Variants in PAN3 observed in about 807,000 individuals in gnomAD.
The protein encoded by PAN3 is PAN2-PAN3 deadenylation complex subunit PAN3.
A neutral mutation model predicts 96.2 loss-of-function variants in PAN3; 19 were observed. That is an observed-to-expected ratio of 0.20 (90% CI 0.14 to 0.29). The LOEUF is 0.29. PAN3 is among the 10% of genes least tolerant of loss of function. The pLI is 1.00. For missense variants in PAN3, 882 were observed against 1,108.1 expected (o/e 0.80, Z 2.90); for synonymous variants, 433 against 406.6 (o/e 1.06, Z -0.78).
chr13:28,220,785 A>T (rs1485265136), intron 6 of PAN3, among the ~76,000 whole-genome samples: 3 of 152,190 alleles, frequency 2.0e-5, no homozygotes, highest in Admixed American at 2.0e-4. Flanking sequence ...AAAATAATTT[A>T]ATCATTCTAC....
At chr13:28,272,559 A>G (rs1218857221) in intron 14 of PAN3, among the ~76,000 whole-genome samples, 1 of 151,064 alleles carries the variant, frequency 6.6e-6, no homozygotes, top group East Asian at 1.9e-4. Context: ...AATTCATGAC[A>G]ATGTCAGAGA....
chr13:28,282,340 GTT>G (rs11406834), intron 17 of PAN3, among the ~76,000 whole-genome samples: 1 of 143,678 alleles, frequency 7.0e-6, no homozygotes. Context: ...TTGAGGGGTT[GTT>G]TTTTTTTTTT....
intron 17 of PAN3, among the ~76,000 whole-genome samples, chr13:28,285,286 CT>C (rs1555295140): frequency 6.6e-6 from 1 of 152,082 alleles, no homozygotes; most frequent in Non-Finnish European, 1.5e-5. Flanking sequence ...TTTAATTTCT[CT>C]TGAGTGGTTG....
In PAN3 at chr13:28,277,445, A is replaced by C. The variant is rs1032889339; in HGVS notation, c.2189+69A>C. The C allele has an allele frequency of 2.0e-6, 3 of 1,492,668 alleles. No homozygotes were observed. The African/African-American group carries it at 4.3e-5, about 21-fold the overall frequency. 92.5% of individuals were successfully genotyped at this position (1,492,668 alleles called of 1,614,324 possible). On this transcript the variant is annotated intron_variant, in intron 15 of 18. Coordinates refer to ENST00000380958, the MANE Select transcript of PAN3 (RefSeq NM_175854.8). ...GATAAGACAGAGCTTTTTTTGTTTT[A>C]AGTGATTGTTTTGGTTCCCACTATT...
At chr13:28,277,493 T>G in intron 15 of PAN3, 117 bp downstream of exon 15, 1 of 980,344 alleles carries the variant, frequency 1.0e-6, no homozygotes, top group South Asian at 1.7e-5. Context: ...AAACAGAAAC[T>G]TTATGTCTTT....
intron 5 of PAN3, among the ~76,000 whole-genome samples, chr13:28,217,255 A>G (rs1880893615): frequency 6.6e-6 from 1 of 151,956 alleles, no homozygotes; most frequent in Non-Finnish European, 1.5e-5. Flanking sequence ...AGAACTCACT[A>G]TATAAGAAGC....
chr13:28,256,568 G>C (rs947327337), intron 7 of PAN3, 29 bp downstream of exon 7: 2 of 1,587,902 alleles, frequency 1.3e-6, no homozygotes, highest in Non-Finnish European at 1.7e-6. Flanking sequence ...GGAAATTTTA[G>C]TACTCTCTTG....
intron 5 of PAN3, 94 bp downstream of exon 5, chr13:28,197,440 A>G (rs1037818219): frequency 8.0e-7 from 1 of 1,256,042 alleles, no homozygotes; most frequent in South Asian, 1.7e-5. Context: ...GGATTGGATG[A>G]CTTAGCTGGT....
At chr13:28,224,029 C>T (rs543181228) in intron 6 of PAN3, among the ~76,000 whole-genome samples, 91 of 151,698 alleles carry the variant, frequency 6.0e-4, no homozygotes, top group East Asian at 1.6e-3. Context: ...CCACCGCGCC[C>T]GGCTAATTTT....
chr13:28,256,065 T>A (rs1013729742), intron 6 of PAN3, among the ~76,000 whole-genome samples: 3 of 152,174 alleles, frequency 2.0e-5, no homozygotes, highest in African/African-American at 7.2e-5. Context: ...TTGCAGTAAA[T>A]CTGCTAACAT....
chr13:28,172,019 T>C (rs76955025), intron 1 of PAN3, among the ~76,000 whole-genome samples: 3,900 of 152,218 alleles, frequency 0.026, 151 homozygotes, highest in African/African-American at 0.089. Context: ...CCAAAGATGC[T>C]CCCAGCACCA....
At chr13:28,253,332 T>C (rs1053676475) in intron 6 of PAN3, among the ~76,000 whole-genome samples, 7 of 152,172 alleles carry the variant, frequency 4.6e-5, no homozygotes, top group African/African-American at 1.7e-4. Flanking sequence ...CACTTAAGAA[T>C]GGGCATCTTG....
intron 2 of PAN3, 152 bp from the exon 3 acceptor site, chr13:28,176,341 T>TATTA (rs1296097107): frequency 1.4e-5 from 10 of 713,238 alleles, no homozygotes; most frequent in Non-Finnish European, 2.3e-5. Flanking sequence ...ATAGTTGTAA[T>TATTA]CCAAGCAGTA....
intron 18 of PAN3, among the ~76,000 whole-genome samples, chr13:28,289,539 G>A (rs1869442703): frequency 6.6e-6 from 1 of 152,168 alleles, no homozygotes; most frequent in Admixed American, 6.5e-5. Context: ...CCAAAGTGTT[G>A]GGATAATAGC....
At position 28,160,935 on chromosome 13, in the gene PAN3, G is replaced by T. The variant is rs1360815195; in HGVS notation, c.431-13337G>T. Among the ~76,000 whole-genome samples the T allele has an allele frequency of 3.3e-5, 5 of 152,124 alleles. No individual in the cohort carries two copies. In the East Asian group the frequency reaches 7.7e-4, roughly 23 times the overall value. On this transcript the variant is annotated intron_variant, in intron 1 of 18. Coordinates refer to ENST00000380958, the MANE Select transcript of PAN3 (RefSeq NM_175854.8). The stretch of plus-strand genomic sequence containing the variant: ...CTTTCAGTTGTCTTGAAGATGTCAT[G>T]GTGTTCAATGTTCTTTATGGAAAAA...
At chr13:28,146,202 T>C (rs967662242) in intron 1 of PAN3, among the ~76,000 whole-genome samples, 12 of 152,032 alleles carry the variant, frequency 7.9e-5, no homozygotes, top group African/African-American at 2.9e-4. Context: ...TTTAGATCTT[T>C]TCTACACATT....
At chr13:28,152,764 G>A (rs1458135359) in intron 1 of PAN3, among the ~76,000 whole-genome samples, 1 of 152,164 alleles carries the variant, frequency 6.6e-6, no homozygotes, top group African/African-American at 2.4e-5. Context: ...AACTCTGGCA[G>A]TTTACAGAAG....
At chr13:28,225,570 GTC>G (rs1881907269) in intron 6 of PAN3, among the ~76,000 whole-genome samples, 2 of 152,146 alleles carry the variant, frequency 1.3e-5, no homozygotes, top group African/African-American at 2.4e-5. Flanking sequence ...CTGACAGATT[GTC>G]ATCTAGTCTC....
chr13:28,155,173 A>G (rs1433200387), intron 1 of PAN3, among the ~76,000 whole-genome samples: 1 of 152,088 alleles, frequency 6.6e-6, no homozygotes, highest in Non-Finnish European at 1.5e-5. Flanking sequence ...ATACCTCTGC[A>G]GGTAACTCAC....
Sources: gnomAD v4.1 joint callset for allele counts (sites outside exome capture counted in the v4.1 genomes callset) on GRCh38, gnomAD v4.1.1 for gene constraint, MANE v1.5 for transcripts, NCBI Gene and HGNC (gene_info 2026-07-23, HGNC 2026-07-21) for gene names.